The following NPAS3 variants were observed in gnomAD, a reference collection of about 807,000 sequenced individuals.
NPAS3 encodes neuronal PAS domain protein 3, also known as neuronal PAS domain-containing protein 3.
NPAS3 carries 14 observed loss-of-function variants against 73.1 expected under a neutral mutation model. The ratio of observed to expected loss-of-function variants is 0.19; its 90% confidence interval spans 0.13 to 0.30. The LOEUF (loss-of-function observed/expected upper bound fraction) is 0.30, where lower values mean the gene tolerates loss of function less well. NPAS3 is among the 10% of genes least tolerant of loss of function. The probability of loss-of-function intolerance (pLI) is 1.00; values close to 1 mark genes in which losing one functional copy is unlikely to be tolerated. For missense variants in NPAS3, 1,096 were observed against 1,250.0 expected (o/e 0.88, Z 1.86); for synonymous variants, 620 against 541.5 (o/e 1.14, Z -2.01).
chr14:33,503,350 A>G (rs1236801030), intron 4 of NPAS3, among the ~76,000 whole-genome samples: 2 of 151,950 alleles, frequency 1.3e-5, no homozygotes, highest in African/African-American at 4.8e-5. Context: ...AAATACTTAT[A>G]ATGACTATAA....
intron 3 of NPAS3, among the ~76,000 whole-genome samples, chr14:33,296,747 C>A (rs1366894801): frequency 6.6e-6 from 1 of 152,168 alleles, no homozygotes; most frequent in African/African-American, 2.4e-5. Flanking sequence ...CAGAAGTGTT[C>A]AGTTTAGATG....
At chr14:33,578,284 C>T (rs186046689) in intron 5 of NPAS3, 28 of 454,050 alleles carry the variant, frequency 6.2e-5, no homozygotes, top group African/African-American at 5.2e-4. Context: ...ACCTCCACCT[C>T]CTGGGTTCAA....
intron 6 of NPAS3, among the ~76,000 whole-genome samples, chr14:33,697,819 T>A (rs1029157988): frequency 6.6e-5 from 10 of 152,370 alleles, no homozygotes; most frequent in African/African-American, 2.4e-4. Flanking sequence ...TAATAGATTG[T>A]TAAATGTGCT....
intron 6 of NPAS3, among the ~76,000 whole-genome samples, chr14:33,733,324 AAAG>A (rs955227631): frequency 6.6e-6 from 1 of 152,118 alleles, no homozygotes; most frequent in African/African-American, 2.4e-5. Context: ...AAAAAAAAAA[AAAG>A]GATATAGCAT....
At chr14:33,237,033 C>A (rs1448342859) in intron 3 of NPAS3, among the ~76,000 whole-genome samples, 2 of 151,958 alleles carry the variant, frequency 1.3e-5, no homozygotes, top group Non-Finnish European at 2.9e-5. Context: ...TTTTCAGTGG[C>A]TTTTAGGAAA....
chr14:33,328,179 G>A (rs1368689919), intron 3 of NPAS3, among the ~76,000 whole-genome samples: 1 of 151,946 alleles, frequency 6.6e-6, no homozygotes, highest in Non-Finnish European at 1.5e-5. Flanking sequence ...ATTTTATGTT[G>A]GAAACTGTGG....
At chr14:33,242,319 G>T (rs767055126) in intron 3 of NPAS3, among the ~76,000 whole-genome samples, 8 of 152,022 alleles carry the variant, frequency 5.3e-5, no homozygotes, top group Non-Finnish European at 1.2e-4. Context: ...GTACCCTTCT[G>T]CTATAAAAGT....
chr14:33,243,871 A>G (rs760107282), intron 3 of NPAS3, among the ~76,000 whole-genome samples: 5 of 152,226 alleles, frequency 3.3e-5, no homozygotes, highest in Admixed American at 2.0e-4. Context: ...TTGTATTTTT[A>G]TTTAGTGTCA....
chr14:33,209,047 G>A (rs1262338721), intron 2 of NPAS3, among the ~76,000 whole-genome samples: 1 of 152,198 alleles, frequency 6.6e-6, no homozygotes, highest in African/African-American at 2.4e-5. Context: ...AAGCAGCAGA[G>A]TTCTTACCTT....
rs141098244 is a variant in NPAS3, at chr14:33,192,751, T to G, written c.141-22431T>G. The stretch of plus-strand genomic sequence containing the variant: ...TTTTTAACTTGATAGAGAAATTGAA[T>G]TAATTGCTCTTCACTCTTCACATGG... On this transcript the variant is annotated intron_variant, in intron 2 of 11. Coordinates refer to ENST00000356141, the Ensembl canonical transcript of NPAS3. Among the ~76,000 whole-genome samples the G allele has an allele frequency of 1.6e-3, 242 of 152,352 alleles. 1 individual carries two copies. The highest frequency in any genetic ancestry group is 4.8e-3 in the Admixed American group (74 of 15,310).
intron 4 of NPAS3, among the ~76,000 whole-genome samples, chr14:33,426,092 C>T (rs978551993): frequency 6.6e-6 from 1 of 152,028 alleles, no homozygotes; most frequent in African/African-American, 2.4e-5. Flanking sequence ...AGAGTGTTTG[C>T]CACCACTGAC....
intron 4 of NPAS3, among the ~76,000 whole-genome samples, chr14:33,414,636 T>A (rs2048072284): frequency 6.6e-6 from 1 of 152,088 alleles, no homozygotes; most frequent in Admixed American, 6.6e-5. Context: ...TAGTTTAAAT[T>A]TTTGGGGAGA....
At chr14:33,537,297 G>A (rs2054300205) in intron 4 of NPAS3, among the ~76,000 whole-genome samples, 1 of 151,926 alleles carries the variant, frequency 6.6e-6, no homozygotes, top group Non-Finnish European at 1.5e-5. Flanking sequence ...CCTAATTTAG[G>A]GCACATTAGA....
chr14:33,415,614 T>C (rs796135772), intron 4 of NPAS3, among the ~76,000 whole-genome samples: 1 of 152,256 alleles, frequency 6.6e-6, no homozygotes, highest in African/African-American at 2.4e-5. Flanking sequence ...CAGCATCCCA[T>C]TGAGTATGTA....
intron 5 of NPAS3, among the ~76,000 whole-genome samples, chr14:33,632,044 G>A (rs769784577): frequency 5.3e-5 from 8 of 152,168 alleles, no homozygotes; most frequent in Non-Finnish European, 1.0e-4. Context: ...CTCTTATGAC[G>A]ATTTCACGTT....
intron 2 of NPAS3, among the ~76,000 whole-genome samples, chr14:33,071,102 G>A (rs2041470367): frequency 6.6e-6 from 1 of 152,160 alleles, no homozygotes. Flanking sequence ...CATTTACCCA[G>A]GAGGTTGGTC....
At chr14:33,253,272 T>C (rs901519722) in intron 3 of NPAS3, among the ~76,000 whole-genome samples, 12 of 152,038 alleles carry the variant, frequency 7.9e-5, no homozygotes, top group African/African-American at 2.7e-4. Flanking sequence ...CCATGTCCAA[T>C]GATGTGGTTA....
At chr14:33,081,567 C>T (rs532884616) in intron 2 of NPAS3, among the ~76,000 whole-genome samples, 2 of 151,814 alleles carry the variant, frequency 1.3e-5, no homozygotes, top group Non-Finnish European at 2.9e-5. Context: ...AAAGAATCAT[C>T]ATTAGGCCTC....
At chr14:33,361,556 G>A (rs565069699) in intron 3 of NPAS3, among the ~76,000 whole-genome samples, 12 of 152,230 alleles carry the variant, frequency 7.9e-5, no homozygotes, top group East Asian at 5.8e-4. Flanking sequence ...TTGCACAGTC[G>A]CCTCATCCCT....
Sources: allele counts gnomAD v4.1 joint callset (sites outside exome capture counted in the v4.1 genomes callset), GRCh38; gene constraint gnomAD v4.1.1; transcripts MANE v1.5; gene names NCBI Gene and HGNC (gene_info 2026-07-23, HGNC 2026-07-21).